The following PGM1 variants were observed in gnomAD, a reference collection of about 807,000 sequenced individuals.
PGM1 encodes phosphoglucomutase 1.
PGM1 carries 52 observed loss-of-function variants against 55.6 expected under a neutral mutation model. The observed-to-expected ratio is 0.94, with a 90% CI of 0.75 to 1.18. The LOEUF (loss-of-function observed/expected upper bound fraction) is 1.18, where lower values mean the gene tolerates loss of function less well. Among genes scored for constraint, PGM1 ranks in the 50% most tolerant of loss-of-function variants. The pLI is 0.00. For missense variants in PGM1, 724 were observed against 729.3 expected (o/e 0.99, Z 0.08); for synonymous variants, 287 against 271.7 (o/e 1.06, Z -0.55).
chr1:63,630,423 G>A (rs7535245), intron 3 of PGM1, among the ~76,000 whole-genome samples: 37,578 of 151,962 alleles, frequency 0.25, 4,812 homozygotes, highest in Middle Eastern at 0.35. Flanking sequence ...GTCTTTACAC[G>A]TGTTAATCCA....
Position 63,593,820 on chromosome 1 carries a change from G to A in PGM1, c.246+86G>A, listed in dbSNP as rs941374902. 74 of 1,333,830 alleles carry A rather than the reference G, an allele frequency of 5.5e-5. 1 individual carries two copies. Among genetic ancestry groups the A allele is most frequent in the Non-Finnish European group, 6.6e-5 (70 of 1,052,978 alleles). The allele number at this position is 1,333,830 out of a possible 1,614,324, so 82.6% of individuals were successfully genotyped here. On this transcript the variant is annotated intron_variant, in intron 1 of 10. Transcript: ENST00000371084. Reference sequence around the variant, plus strand: ...CGGCGCCCTCCCTCGCTCGGGGCCGGCCGCTTCCGCGCGCTGCCGCCTCGG... The same window carrying A: ...CGGCGCCCTCCCTCGCTCGGGGCCGACCGCTTCCGCGCGCTGCCGCCTCGG...
At chr1:63,649,883 G>C (rs1329823323) in intron 8 of PGM1, among the ~76,000 whole-genome samples, 1 of 152,120 alleles carries the variant, frequency 6.6e-6, no homozygotes, top group Non-Finnish European at 1.5e-5. Context: ...ATAAAAACAA[G>C]GCCATGTCTG....
chr1:63,610,395 G>C (rs574434036), intron 1 of PGM1, among the ~76,000 whole-genome samples: 7 of 152,010 alleles, frequency 4.6e-5, no homozygotes, highest in African/African-American at 1.5e-4. Flanking sequence ...AGTTACAGGC[G>C]TTTTGCCATT....
chr1:63,615,550 C>CTTTTTTTTTTTTT lies in PGM1; in HGVS notation c.247-13857_247-13845dup, dbSNP rs1161161385. Among the ~76,000 whole-genome samples, 65 of 62,984 alleles carry CTTTTTTTTTTTTT rather than the reference C, an allele frequency of 1.0e-3. 9 individuals are homozygous for CTTTTTTTTTTTTT. Among genetic ancestry groups the CTTTTTTTTTTTTT allele is most frequent in the African/African-American group, 2.7e-3 (40 of 14,824 alleles). 41.3% of individuals were successfully genotyped at this position (62,984 alleles called of 152,430 possible). ...CCATTTCTCTCCTCTTCTTCTTCTT[C>CTTTTTTTTTTTTT]TTTTTTTTTTTTTTTTTTTTTTTTT... On this transcript the variant is annotated intron_variant, in intron 1 of 10. Transcript: ENST00000371084.
At chr1:63,615,450 G>A (rs1175408431) in intron 1 of PGM1, among the ~76,000 whole-genome samples, 1 of 150,858 alleles carries the variant, frequency 6.6e-6, no homozygotes. Context: ...GTCCTTTACA[G>A]CCGGACATCC....
intron 4 of PGM1, among the ~76,000 whole-genome samples, chr1:63,633,167 C>T (rs1649243102): frequency 6.6e-6 from 1 of 152,190 alleles, no homozygotes; most frequent in Non-Finnish European, 1.5e-5. Flanking sequence ...TGGCATCCAA[C>T]TCAGTTCTTA....
rs1197859256 is a variant in PGM1, at chr1:63,593,512, G to A, written c.24G>A (p.Lys8=). The change falls in exon 1 of 11, where the codon AAG becomes AAA. Residue 8 remains lysine, a synonymous_variant. Coordinates refer to ENST00000371084, the MANE Select transcript of PGM1 (RefSeq NM_002633.3). Reference sequence around the variant, plus strand: ...CCATGGTGAAGATCGTGACAGTTAAGACCCAGGCGTACCAGGACCAGAAGC... The same window carrying A: ...CCATGGTGAAGATCGTGACAGTTAAAACCCAGGCGTACCAGGACCAGAAGC... The part of the protein sequence containing the change: MVKIVTV[K]TQAYQDQKPG... 1.2e-6 allele frequency: 2 copies of A among 1,613,852 alleles called. No individual in the cohort carries two copies. Among genetic ancestry groups the A allele is most frequent in the East Asian group, 2.2e-5 (1 of 44,850 alleles).
chr1:63,596,352 G>C (rs1410342771), intron 1 of PGM1, among the ~76,000 whole-genome samples: 1 of 148,768 alleles, frequency 6.7e-6, no homozygotes, highest in Non-Finnish European at 1.5e-5. Context: ...TGCCTCCCAG[G>C]TTCAAGCAAT....
In PGM1 at chr1:63,659,574, T is replaced by C; in HGVS notation, c.1600-12T>C. ...GAAGTGATGGAAAAGCTTCTCTCTATGTCTTCCTCAGGTCATGTTGGCCCC... is the reference window on the plus strand; with the variant it reads ...GAAGTGATGGAAAAGCTTCTCTCTACGTCTTCCTCAGGTCATGTTGGCCCC... On this transcript the variant is annotated splice_polypyrimidine_tract_variant and intron_variant, in intron 10 of 10. Transcript: ENST00000371084. The C allele has an allele frequency of 6.2e-7, 1 of 1,609,348 alleles. No individual in the cohort carries two copies. Among genetic ancestry groups the C allele is most frequent in the Non-Finnish European group, 8.5e-7 (1 of 1,175,702 alleles).
intron 1 of PGM1, among the ~76,000 whole-genome samples, chr1:63,603,022 G>A (rs536318190): frequency 6.6e-6 from 1 of 152,280 alleles, no homozygotes; most frequent in African/African-American, 2.4e-5. Context: ...GAGCAGAGAG[G>A]AATGTTCCAG....
chr1:63,654,300 T>C (rs965831998), intron 9 of PGM1, 32 bp from the exon 10 acceptor site: 1 of 1,612,340 alleles, frequency 6.2e-7, no homozygotes, highest in Non-Finnish European at 8.5e-7. Context: ...TCCCAGCATT[T>C]GGGGAAAAAA....
chr1:63,594,048 T>TC lies in PGM1; in HGVS notation c.246+319dup. The TC allele has an allele frequency of 2.8e-6, 3 of 1,076,528 alleles. No homozygotes were observed. The African/African-American group carries it at 5.1e-5, about 18-fold the overall frequency. 66.7% of individuals were successfully genotyped at this position (1,076,528 alleles called of 1,614,324 possible). On this transcript the variant is annotated intron_variant, in intron 1 of 10. Transcript: ENST00000371084. ...CTAGCCGCTGCCTTCCCTCTCCCCGTCCCCCGCCCCTCCCGAGGCGTCTGA... is the reference window on the plus strand; with the variant it reads ...CTAGCCGCTGCCTTCCCTCTCCCCGTCCCCCCGCCCCTCCCGAGGCGTCTGA...
intron 1 of PGM1, among the ~76,000 whole-genome samples, chr1:63,605,269 A>G (rs1464007054): frequency 1.3e-5 from 2 of 152,196 alleles, no homozygotes; most frequent in East Asian, 3.9e-4. Flanking sequence ...TTTGCAGGCC[A>G]GGCTCCTGGC....
At chr1:63,656,377 G>A (rs1438849227) in intron 10 of PGM1, among the ~76,000 whole-genome samples, 5 of 152,180 alleles carry the variant, frequency 3.3e-5, no homozygotes. Context: ...AAATATGGAG[G>A]TTCCTCAAAA....
intron 9 of PGM1, among the ~76,000 whole-genome samples, chr1:63,653,268 T>C (rs1410883000): frequency 5.9e-5 from 9 of 152,170 alleles, no homozygotes; most frequent in African/African-American, 2.2e-4. Flanking sequence ...TGCAATCTAG[T>C]GAAAAGAATT....
intron 7 of PGM1, among the ~76,000 whole-genome samples, chr1:63,644,607 T>C (rs748883989): frequency 3.3e-5 from 5 of 152,228 alleles, no homozygotes; most frequent in Non-Finnish European, 5.9e-5. Flanking sequence ...CCTTTTATTT[T>C]TCCCTTTATT....
At chr1:63,633,984 G>A (rs1017491378) in intron 4 of PGM1, among the ~76,000 whole-genome samples, 8 of 110,348 alleles carry the variant, frequency 7.2e-5, no homozygotes, top group African/African-American at 2.8e-4. Context: ...GTCTCACCAT[G>A]TTGGCTGGGC....
At position 63,633,939 on chromosome 1, in the gene PGM1, T is replaced by A. The variant is rs1342401533; in HGVS notation, c.683-890T>A. Reference sequence around the variant, plus strand: ...GTGTGTATATATATATATATTTTTTTTTTTTTTTTTTTTTTTTTTTTTAGT... The same window carrying A: ...GTGTGTATATATATATATATTTTTTATTTTTTTTTTTTTTTTTTTTTTAGT... On this transcript the variant is annotated intron_variant, in intron 4 of 10. Coordinates refer to ENST00000371084, the MANE Select transcript of PGM1 (RefSeq NM_002633.3). Among the ~76,000 whole-genome samples the A allele has an allele frequency of 3.2e-3, 346 of 109,668 alleles. 24 individuals are homozygous for A. The highest frequency in any genetic ancestry group is 5.7e-3 in the South Asian group (16 of 2,796). 71.9% of individuals were successfully genotyped at this position (109,668 alleles called of 152,430 possible). A position where few individuals can be genotyped will look rare whatever the true frequency, so the allele number is the denominator to read the frequency against.
chr1:63,596,337 A>G (rs1293819981), intron 1 of PGM1, among the ~76,000 whole-genome samples: 1 of 144,684 alleles, frequency 6.9e-6, no homozygotes, highest in Non-Finnish European at 1.5e-5. Flanking sequence ...GCTCACTGCA[A>G]CCTCTGCCTC....
Sources: allele counts gnomAD v4.1 joint callset (sites outside exome capture counted in the v4.1 genomes callset), GRCh38; gene constraint gnomAD v4.1.1; transcripts MANE v1.5; gene names NCBI Gene and HGNC (gene_info 2026-07-23, HGNC 2026-07-21).